The following ZNF782 variants were observed in gnomAD, a reference collection of about 807,000 sequenced individuals.
ZNF782 encodes the protein zinc finger protein 782.
A neutral mutation model predicts 13.0 loss-of-function variants in ZNF782; 12 were observed. The ratio of observed to expected loss-of-function variants is 0.92; its 90% confidence interval spans 0.59 to 1.50. The LOEUF is 1.50. ZNF782 is among the 40% of genes most tolerant of loss of function. ZNF782 has a pLI of 0.00. For synonymous variants in ZNF782, 284 were observed against 283.0 expected (o/e 1.00, Z -0.04); for missense variants, 770 against 822.9 (o/e 0.94, Z 0.79).
the ZNF782 span, chr9:96,887,355 T>C: frequency 7.3e-6 from 1 of 136,518 alleles, no homozygotes; most frequent in African/African-American, 3.0e-5. Context: ...GAAAGAAAGA[T>C]ACGAAACCAA....
chr9:96,878,522 G>A (rs1445573835), upstream of ZNF782, among the ~76,000 whole-genome samples: 1 of 152,096 alleles, frequency 6.6e-6, no homozygotes, highest in East Asian at 1.9e-4. Context: ...TGCACTTTAG[G>A]CTACAGCAAA....
chr9:96,872,890 T>G (rs1017246097), intron 1 of ZNF782, among the ~76,000 whole-genome samples: 10 of 152,236 alleles, frequency 6.6e-5, no homozygotes, highest in African/African-American at 1.9e-4. Context: ...AGAGAAAGGA[T>G]TCCCAGGAAT....
chr9:96,932,652 A>ATTT, the ZNF782 span, among the ~76,000 whole-genome samples: 1 of 130,124 alleles, frequency 7.7e-6, no homozygotes. Flanking sequence ...CCAATCCTTA[A>ATTT]TTTTTTTTTT....
In ZNF782 at chr9:96,819,036, C is replaced by T; in HGVS notation, c.987G>A (p.Gln329=). 6.2e-7 allele frequency: 1 copy of T among 1,614,188 alleles called. No individual in the cohort carries two copies. Among genetic ancestry groups the T allele is most frequent in the Non-Finnish European group, 8.5e-7 (1 of 1,180,036 alleles). The part of the protein sequence containing the change: ...FNRNSTLPVH[Q]RTHATDKYSD... ...AGTATTTATCTGTTGCATGAGTTCT[C>T]TGATGCACTGGGAGGGTTGAATTAC... The change falls in exon 6 of 6, where the codon CAG becomes CAA. Residue 329 remains glutamine, a synonymous_variant. Coordinates refer to ENST00000481138, the MANE Select transcript of ZNF782 (RefSeq NM_001001662.3).
At chr9:96,873,120 A>G (rs1851847196) in intron 1 of ZNF782, among the ~76,000 whole-genome samples, 1 of 152,136 alleles carries the variant, frequency 6.6e-6, no homozygotes, top group Admixed American at 6.6e-5. Context: ...ACTTAGCTTC[A>G]GTGATTCTCA....
intron 5 of ZNF782, among the ~76,000 whole-genome samples, chr9:96,824,935 G>A (rs1018297836): frequency 1.3e-5 from 2 of 151,900 alleles, no homozygotes; most frequent in African/African-American, 4.8e-5. Flanking sequence ...AACATTCCAT[G>A]CTCATGGGTA....
At chr9:96,889,923 C>T in the ZNF782 span, 1 of 152,188 alleles carries the variant, frequency 6.6e-6, no homozygotes, top group Admixed American at 6.5e-5. Context: ...TTCTTCCTGT[C>T]TCTTTTTAAA....
At chr9:96,852,443 CA>C (rs1167087918) in intron 2 of ZNF782, among the ~76,000 whole-genome samples, 2 of 152,044 alleles carry the variant, frequency 1.3e-5, no homozygotes, top group Non-Finnish European at 2.9e-5. Flanking sequence ...AGTTCAAGAC[CA>C]ACCTGGGCAA....
the ZNF782 span, among the ~76,000 whole-genome samples, chr9:96,925,308 T>G: frequency 1.3e-4 from 19 of 151,612 alleles, no homozygotes; most frequent in African/African-American, 4.6e-4. Flanking sequence ...AGGCGACGCC[T>G]TCTCCTTGGA....
At chr9:96,877,586 G>T (rs568024416), upstream of ZNF782, among the ~76,000 whole-genome samples, 7 of 152,370 alleles carry the variant, frequency 4.6e-5, no homozygotes, top group Admixed American at 1.3e-4. Flanking sequence ...GTCCGAGCGC[G>T]TCCTCAGGCT....
intron 4 of ZNF782, among the ~76,000 whole-genome samples, chr9:96,830,044 G>A (rs1297370048): frequency 1.3e-5 from 2 of 152,290 alleles, no homozygotes; most frequent in African/African-American, 2.4e-5. Context: ...AGAAGCTGGA[G>A]AAGCTGGCAA....
intron 4 of ZNF782, among the ~76,000 whole-genome samples, chr9:96,842,466 C>T (rs546534327): frequency 1.1e-4 from 16 of 152,062 alleles, no homozygotes; most frequent in African/African-American, 3.9e-4. Flanking sequence ...GGTGAAAAAG[C>T]TATTCAATGA....
At chr9:96,915,398 GCCGGGCA>G in the ZNF782 span, among the ~76,000 whole-genome samples, 34 of 150,566 alleles carry the variant, frequency 2.3e-4, no homozygotes, top group African/African-American at 7.4e-4. Context: ...AGTCTCCTAG[GCCGGGCA>G]CCGTGGCTCA....
chr9:96,924,772 T>C, the ZNF782 span, among the ~76,000 whole-genome samples: 1 of 152,220 alleles, frequency 6.6e-6, no homozygotes, highest in Non-Finnish European at 1.5e-5. Flanking sequence ...CCTTTTGCAT[T>C]GTTTGGAATG....
intron 4 of ZNF782, among the ~76,000 whole-genome samples, chr9:96,832,756 T>A (rs1458611759): frequency 4.6e-5 from 7 of 152,222 alleles, no homozygotes; most frequent in African/African-American, 1.7e-4. Context: ...TTTTTCTTTA[T>A]CTTTAGTTGT....
At chr9:96,917,891 T>C in the ZNF782 span, among the ~76,000 whole-genome samples, 4,387 of 135,130 alleles carry the variant, frequency 0.032, 243 homozygotes, top group East Asian at 0.31. Context: ...CCTTGGCGTG[T>C]GTGTGTGTGT....
the ZNF782 span, among the ~76,000 whole-genome samples, chr9:96,903,926 T>C: frequency 2.0e-5 from 3 of 151,906 alleles, no homozygotes; most frequent in Non-Finnish European, 4.4e-5. Flanking sequence ...AGTAAGTATA[T>C]GTTTAACTTT....
At chr9:96,904,067 T>C in the ZNF782 span, among the ~76,000 whole-genome samples, 84 of 148,772 alleles carry the variant, frequency 5.6e-4, no homozygotes, top group East Asian at 0.015. Context: ...TTTTAGCTGA[T>C]GGTGTGGTGT....
chr9:96,857,016 G>A (rs562689533), upstream of ZNF782, among the ~76,000 whole-genome samples: 49 of 152,292 alleles, frequency 3.2e-4, no homozygotes, highest in Non-Finnish European at 5.9e-4. Flanking sequence ...TCTCTTGACC[G>A]CAGTTTTTTA....
Sources: allele counts gnomAD v4.1 joint callset (sites outside exome capture counted in the v4.1 genomes callset), GRCh38; gene constraint gnomAD v4.1.1; transcripts MANE v1.5; gene names NCBI Gene and HGNC (gene_info 2026-07-23, HGNC 2026-07-21).